Variants in ACOT7 observed in about 807,000 individuals in gnomAD.
ACOT7 encodes cytosolic acyl coenzyme A thioester hydrolase.
Under a neutral mutation model 40.2 loss-of-function variants are expected in ACOT7, and 12 were observed. The observed-to-expected ratio is 0.30, with a 90% CI of 0.19 to 0.48. The LOEUF is 0.48. Ranked by LOEUF, ACOT7 falls within the 20% of genes least tolerant of loss-of-function variation. ACOT7 has a pLI of 0.99. For synonymous variants in ACOT7, 228 were observed against 219.5 expected (o/e 1.04, Z -0.34); for missense variants, 395 against 530.8 (o/e 0.74, Z 2.51).
intron 1 of ACOT7, among the ~76,000 whole-genome samples, chr1:6,389,823 T>C (rs561874000): frequency 6.6e-6 from 1 of 150,832 alleles, no homozygotes; most frequent in Non-Finnish European, 1.5e-5. Context: ...CCTTCAACAA[T>C]GTCTGAACTG....
chr1:6,306,846 G>A lies in ACOT7; in HGVS notation c.712+11646C>T. 3.9e-6 allele frequency: 5 copies of A among 1,289,104 alleles called. No individual in the cohort carries two copies. The highest frequency in any genetic ancestry group is 2.5e-5 in the South Asian group (2 of 81,006). The allele number at this position is 1,289,104 out of a possible 1,614,324, so 79.9% of individuals were successfully genotyped here. On this transcript the variant is annotated intron_variant, in intron 6 of 8. Coordinates refer to ENST00000361521, the MANE Select transcript of ACOT7 (RefSeq NM_007274.4). This position sits in a 1 kb window ranked among gnomAD's most constrained non-coding sequence, Gnocchi z 4.3. ...CACGGAATTGGAAAAGAGTAACTGT[G>A]CCCTCTTTTGCATTTTTCAGTGAAA...
chr1:6,310,927 G>A (rs549906682), intron 6 of ACOT7, among the ~76,000 whole-genome samples: 8 of 152,156 alleles, frequency 5.3e-5, no homozygotes, highest in African/African-American at 1.7e-4. Flanking sequence ...TAGTAGAGAC[G>A]AGATTTCATC....
At chr1:6,380,910 T>G (rs1040018891) in intron 1 of ACOT7, among the ~76,000 whole-genome samples, 2 of 151,746 alleles carry the variant, frequency 1.3e-5, no homozygotes, top group African/African-American at 4.8e-5. Flanking sequence ...AATGTGTGCA[T>G]CAACAGACAA....
chr1:6,371,906 G>A (rs1487214814), intron 1 of ACOT7, among the ~76,000 whole-genome samples: 1 of 152,018 alleles, frequency 6.6e-6, no homozygotes, highest in Admixed American at 6.6e-5. Flanking sequence ...TTAGCCAGGT[G>A]TGGTAACGTG....
chr1:6,290,084 C>T (rs1244711087), intron 7 of ACOT7, among the ~76,000 whole-genome samples: 10 of 151,830 alleles, frequency 6.6e-5, no homozygotes, highest in African/African-American at 9.7e-5. Context: ...AGTGTCAGCA[C>T]GAGGGGGGGA....
chr1:6,276,386 C>G (rs537585789), intron 8 of ACOT7, among the ~76,000 whole-genome samples: 1 of 152,130 alleles, frequency 6.6e-6, no homozygotes, highest in South Asian at 2.1e-4. Flanking sequence ...CACGGGGAGG[C>G]CTGCCTCTAC....
Position 6,298,323 on chromosome 1 carries a change from C to T in ACOT7, c.713-3343G>A, listed in dbSNP as rs536523579. Among the ~76,000 whole-genome samples, 3 of 152,174 alleles carry T rather than the reference C, an allele frequency of 2.0e-5. No individual in the cohort carries two copies. In the South Asian group the frequency reaches 6.2e-4, roughly 32 times the overall value. On this transcript the variant is annotated intron_variant, in intron 6 of 8. Coordinates refer to ENST00000361521, the MANE Select transcript of ACOT7 (RefSeq NM_007274.4). ...CTAATTTTTGTATTGTTAGTGGAGT[C>T]GGGGTTTCACCATGTTGACCAGGCT...
intron 8 of ACOT7, among the ~76,000 whole-genome samples, chr1:6,276,378 CGGGGAGGCCT>C (rs912209314): frequency 1.3e-5 from 2 of 152,124 alleles, no homozygotes; most frequent in African/African-American, 4.8e-5. Flanking sequence ...GGCACTGCCA[CGGGGAGGCCT>C]GCCTCTACGC....
In ACOT7 at chr1:6,330,034, C is replaced by T. The variant is rs1048712399; in HGVS notation, c.511-2621G>A. Among the ~76,000 whole-genome samples, 3 of 152,250 alleles carry T rather than the reference C, an allele frequency of 2.0e-5. No individual in the cohort carries two copies. The highest frequency in any genetic ancestry group is 7.2e-5 in the African/African-American group (3 of 41,554). ...CGGCAGCTGGGTTCCTCCAGGGAGACGCACACATCCAGGAAACCAGTGTGT... is the reference window on the plus strand; with the variant it reads ...CGGCAGCTGGGTTCCTCCAGGGAGATGCACACATCCAGGAAACCAGTGTGT... On this transcript the variant is annotated intron_variant, in intron 4 of 8. Transcript: ENST00000361521. This position sits in a 1 kb window ranked among gnomAD's most constrained non-coding sequence, Gnocchi z 4.6.
At chr1:6,296,762 G>A (rs1159438514) in intron 6 of ACOT7, among the ~76,000 whole-genome samples, 1 of 152,018 alleles carries the variant, frequency 6.6e-6, no homozygotes, top group Admixed American at 6.6e-5. Flanking sequence ...TGCAGAGATG[G>A]GGTCTTGCTA....
chr1:6,323,732 AAAAAAATATAT>A (rs1287769893), intron 5 of ACOT7, among the ~76,000 whole-genome samples: 6 of 92,874 alleles, frequency 6.5e-5, no homozygotes, highest in African/African-American at 1.1e-4. Context: ...AAAAAAAAAA[AAAAAAATATAT>A]ATATATATAT....
At chr1:6,325,682 C>T (rs192075672) in intron 5 of ACOT7, among the ~76,000 whole-genome samples, 73 of 152,266 alleles carry the variant, frequency 4.8e-4, no homozygotes, top group African/African-American at 1.7e-3. Flanking sequence ...ACACAAACTC[C>T]TGTTCAAGCC....
chr1:6,346,629 G>C (rs1475154619), intron 2 of ACOT7, among the ~76,000 whole-genome samples: 1 of 152,244 alleles, frequency 6.6e-6, no homozygotes, highest in Non-Finnish European at 1.5e-5. Flanking sequence ...AGGGCTCTGA[G>C]CAGGCAGCAC....
chr1:6,297,440 T>A (rs901706561), intron 6 of ACOT7, among the ~76,000 whole-genome samples: 3 of 152,196 alleles, frequency 2.0e-5, no homozygotes, highest in Non-Finnish European at 4.4e-5. Flanking sequence ...AGGGTGGGAA[T>A]CAAATGCCCA....
intron 6 of ACOT7, among the ~76,000 whole-genome samples, chr1:6,297,541 T>G (rs1434804618): frequency 2.0e-5 from 3 of 152,190 alleles, no homozygotes; most frequent in African/African-American, 7.2e-5. Context: ...AGCTCCTACC[T>G]AGCGCCCCCC....
Position 6,393,684 on chromosome 1 carries a change from C to A in ACOT7, c.-285G>T, listed in dbSNP as rs58125749. 0.12 allele frequency: 27,007 copies of A among 229,672 alleles called. 2,437 individuals are homozygous for A. Among genetic ancestry groups the A allele is most frequent in the African/African-American group, 0.29 (12,500 of 43,752 alleles). The allele number at this position is 229,672 out of a possible 1,614,324, so 14.2% of individuals were successfully genotyped here. On this transcript the variant is annotated 5_prime_UTR_variant, in exon 1 of 9. Transcript: ENST00000361521. ...CAGCCGCGCCCGACCCGGTGGCAGC[C>A]CCGAGGGAAGCGTCTGGGGCGGCCT...
At chr1:6,293,878 C>T (rs1443998864) in intron 7 of ACOT7, among the ~76,000 whole-genome samples, 1 of 152,224 alleles carries the variant, frequency 6.6e-6, no homozygotes, top group Non-Finnish European at 1.5e-5. Flanking sequence ...AGTCCAGGGT[C>T]TCCCATTGCC....
chr1:6,384,776 G>T (rs966703474), intron 1 of ACOT7, among the ~76,000 whole-genome samples: 1 of 151,576 alleles, frequency 6.6e-6, no homozygotes, highest in Non-Finnish European at 1.5e-5. Flanking sequence ...GACTACAAAG[G>T]TCCCAAGGGC....
intron 6 of ACOT7, among the ~76,000 whole-genome samples, chr1:6,297,559 C>A (rs1177763721): frequency 6.6e-6 from 1 of 152,176 alleles, no homozygotes; most frequent in South Asian, 2.1e-4. Flanking sequence ...CCCATGGGGA[C>A]CCCATTCTTC....
Sources: allele counts gnomAD v4.1 joint callset (sites outside exome capture counted in the v4.1 genomes callset), GRCh38; gene constraint gnomAD v4.1.1; non-coding constraint Gnocchi (gnomAD v3.1); transcripts MANE v1.5; gene names NCBI Gene and HGNC (gene_info 2026-07-23, HGNC 2026-07-21).